The following XIRP1 variants were observed in gnomAD, a reference collection of about 807,000 sequenced individuals.
The protein encoded by XIRP1 is xin actin-binding repeat-containing protein 1.
For synonymous variants in XIRP1, 984 were observed against 947.0 expected (o/e 1.04, Z -0.72); for missense variants, 2,378 against 2,345.4 (o/e 1.01, Z -0.29).
rs770933309 is a variant in XIRP1 at position 39,188,916 on chromosome 3, G to A, written c.530C>T (p.Ala177Val). ...ELTGQAKELE[A>V]TVREPAASGD... ...GCTGGCTGCAGGCTCCCTCACAGTG[G>A]CCTCCAGTTCCTTGGCTTGCCCTGT... is the stretch of plus-strand genomic sequence containing the variant. The change falls in exon 2 of 2, where the codon GCC (alanine) becomes GTC (valine). Residue 177 changes from alanine to valine, a missense_variant. Ala to Val is a moderately conservative substitution (Grantham distance 64, BLOSUM62 0). Transcript: ENST00000340369. 2 of 1,613,280 alleles carry A rather than the reference G, an allele frequency of 1.2e-6. No individual in the cohort carries two copies. The highest frequency in any genetic ancestry group is 4.5e-5 in the East Asian group (2 of 44,872).
chr3:39,185,622 C>G lies in XIRP1; in HGVS notation c.3824G>C (p.Arg1275Pro). The G allele has an allele frequency of 2.5e-6, 4 of 1,612,390 alleles. No homozygotes were observed. Among genetic ancestry groups the G allele is most frequent in the Non-Finnish European group, 3.4e-6 (4 of 1,179,222 alleles). Residue 1275 changes from arginine to proline, a missense_variant, in exon 2 of 2, where the codon CGT becomes CCT. Transcript: ENST00000340369. Reference sequence around the variant, plus strand: ...GGCTTGCTGGATGGAGTCCTCAGCACGGTGGGCTCCAGCTGGAAAGTCAGG... The same window carrying G: ...GGCTTGCTGGATGGAGTCCTCAGCAGGGTGGGCTCCAGCTGGAAAGTCAGG... Reference protein sequence around the residue: ...TGPDFPAGAHRAEDSIQQASE... With the variant: ...TGPDFPAGAHPAEDSIQQASE...
Position 39,187,790 on chromosome 3 carries a change from C to T in XIRP1, c.1656G>A (p.Trp552Ter). ...TCTCCAGGGGCTGGGTCTCAAAAAGCCACCGAGCTGTGCCAACGTCCCCAG... is the reference window on the plus strand; with the variant it reads ...TCTCCAGGGGCTGGGTCTCAAAAAGTCACCGAGCTGTGCCAACGTCCCCAG... ...VVAGDVGTAR[W>*]LFETQPLEMI... The change falls in exon 2 of 2, where the codon TGG (tryptophan) becomes TGA (stop). Residue 552 changes from tryptophan to a stop codon, truncating the protein, a stop_gained. Transcript: ENST00000340369. LOFTEE classifies it low-confidence loss of function (END_TRUNC). 1.9e-6 allele frequency: 3 copies of T among 1,614,112 alleles called. No homozygotes were observed. The highest frequency in any genetic ancestry group is 2.5e-6 in the Non-Finnish European group (3 of 1,180,048).
Position 39,186,280 on chromosome 3 carries a change from G to T in XIRP1, c.3166C>A (p.Gln1056Lys). ...PGAPDLLAAM[Q>K]SLRMATAEAQ... ...TCAGCTGTTGCCATCCGCAGACTCT[G>T]CATGGCGGCCAGGAGGTCTGGGGCC... The change falls in exon 2 of 2, where the codon CAG (glutamine) becomes AAG (lysine). Residue 1056 changes from glutamine (Q) to lysine (K), a missense_variant. Physicochemically the swap from Gln to Lys is moderately conservative, Grantham distance 53. Coordinates refer to ENST00000340369, the MANE Select transcript of XIRP1 (RefSeq NM_194293.4). 1 of 1,613,992 alleles carries T rather than the reference G, an allele frequency of 6.2e-7. No homozygotes were observed. The highest frequency in any genetic ancestry group is 8.5e-7 in the Non-Finnish European group (1 of 1,179,988).
intron 1 of XIRP1, 96 bp from the exon 2 acceptor site, chr3:39,189,621 G>A: frequency 1.0e-6 from 1 of 987,080 alleles, no homozygotes; most frequent in African/African-American, 1.6e-5. Context: ...GCCTGGCCTG[G>A]GCTTCACTTC....
rs1378079862 is a variant in XIRP1, at chr3:39,189,110, TG to T, written c.335del (p.Pro112GlnfsTer57). ...CACACAGCACGGGCTCCTTGGCAGC[TG>T]GCCTCTCGTGTTCTCCAATGGCATC... ...RLDAIGEHER[P>X]AAKEPVLCGD... On this transcript the variant is annotated frameshift_variant, in exon 2 of 2. Coordinates refer to ENST00000340369, the MANE Select transcript of XIRP1 (RefSeq NM_194293.4). LOFTEE classifies it low-confidence loss of function (END_TRUNC). 2.5e-6 allele frequency: 4 copies of T among 1,614,174 alleles called. No homozygotes were observed. Among genetic ancestry groups the T allele is most frequent in the Non-Finnish European group, 3.4e-6 (4 of 1,180,040 alleles).
rs149700763 is a variant in XIRP1 at position 39,184,991 on chromosome 3, G to T, written c.4455C>A (p.Ala1485=). The part of the protein sequence containing the change: ...LNQVQALEKE[A]ASSVDVQALR... ...GGGCCTGCACGTCCACACTGCTTGCGGCCTCCTTCTCCAGGGCTTGCACCT... is the reference window on the plus strand; with the variant it reads ...GGGCCTGCACGTCCACACTGCTTGCTGCCTCCTTCTCCAGGGCTTGCACCT... The change falls in exon 2 of 2, where the codon GCC becomes GCA. Residue 1485 remains alanine (A), a synonymous_variant. Coordinates refer to ENST00000340369, the MANE Select transcript of XIRP1 (RefSeq NM_194293.4). 1.0e-3 allele frequency: 1,519 copies of T among 1,522,168 alleles called. 11 individuals are homozygous for T. In the African/African-American group the frequency reaches 0.018, roughly 18 times the overall value. 94.3% of individuals were successfully genotyped at this position (1,522,168 alleles called of 1,614,324 possible).
rs200103132 is a variant in XIRP1, at chr3:39,188,674, G to A, written c.772C>T (p.Arg258Trp). The stretch of plus-strand genomic sequence containing the variant: ...ACCGCGTTGCTTTGGATCTCCTCCC[G>A]GCATGCGGCCTTGACCTCATGGATG... Reference protein sequence around the residue: ...GAIHEVKAACREEIQSNAVRS... With the variant: ...GAIHEVKAACWEEIQSNAVRS... Residue 258 changes from arginine to tryptophan, a missense_variant, in exon 2 of 2, where the codon CGG becomes TGG. Transcript: ENST00000340369. The A allele has an allele frequency of 4.2e-5, 67 of 1,613,192 alleles. No homozygotes were observed. The East Asian group carries it at 1.0e-3, about 25-fold the overall frequency.
chr3:39,188,701 C>T lies in XIRP1; in HGVS notation c.745G>A (p.Ala249Thr), dbSNP rs751589146. 10 of 1,613,446 alleles carry T rather than the reference C, an allele frequency of 6.2e-6. No individual in the cohort carries two copies. The Admixed American group carries it at 8.3e-5, about 13-fold the overall frequency. Residue 249 changes from alanine to threonine, a missense_variant, in exon 2 of 2, where the codon GCC becomes ACC. Transcript: ENST00000340369. ...PLCAIQDAEGAIHEVKAACRE... is the reference protein window; with the variant it reads ...PLCAIQDAEGTIHEVKAACRE... ...CATGCGGCCTTGACCTCATGGATGG[C>T]GCCCTCTGCATCCTGGATGGCACAC...
Position 39,185,042 on chromosome 3 carries a change from C to T in XIRP1, c.4404G>A (p.Gln1468=). 2.0e-6 allele frequency: 3 copies of T among 1,521,300 alleles called. No individual in the cohort carries two copies. Among genetic ancestry groups the T allele is most frequent in the Non-Finnish European group, 2.6e-6 (3 of 1,138,056 alleles). 94.2% of individuals were successfully genotyped at this position (1,521,300 alleles called of 1,614,324 possible). A position where few individuals can be genotyped will look rare whatever the true frequency, so the allele number is the denominator to read the frequency against. ...PESPDSLQRN[Q]KELQGLLNQV... ...GGTTCAGGAGGCCCTGGAGCTCTTT[C>T]TGGTTTCTTTGCAGACTGTCAGGGC... The change falls in exon 2 of 2, where the codon CAG becomes CAA. Residue 1468 remains glutamine (Q), a synonymous_variant. Transcript: ENST00000340369.
Position 39,183,751 on chromosome 3 carries a change from G to T in XIRP1, c.*163C>A. 2.6e-6 allele frequency: 3 copies of T among 1,172,502 alleles called. No homozygotes were observed. Among genetic ancestry groups the T allele is most frequent in the Non-Finnish European group, 2.3e-6 (2 of 862,550 alleles). 72.6% of individuals were successfully genotyped at this position (1,172,502 alleles called of 1,614,324 possible). A position where few individuals can be genotyped will look rare whatever the true frequency, so the allele number is the denominator to read the frequency against. On this transcript the variant is annotated 3_prime_UTR_variant, in exon 2 of 2. Coordinates refer to ENST00000340369, the MANE Select transcript of XIRP1 (RefSeq NM_194293.4). Reference sequence around the variant, plus strand: ...TTCTTTTTCCATTTGGAAGAACTGGGCCTATTGAAAGAACTGCGAAAGGGA... The same window carrying T: ...TTCTTTTTCCATTTGGAAGAACTGGTCCTATTGAAAGAACTGCGAAAGGGA...
intron 1 of XIRP1, among the ~76,000 whole-genome samples, chr3:39,189,794 C>A (rs534652195): frequency 1.3e-5 from 2 of 152,316 alleles, no homozygotes; most frequent in Non-Finnish European, 2.9e-5. Flanking sequence ...GACGCATAAA[C>A]CTCCAGTGGG....
In XIRP1 at chr3:39,186,287, G is replaced by T. The variant is rs754881671; in HGVS notation, c.3159C>A (p.Ala1053=). 3 of 1,613,764 alleles carry T rather than the reference G, an allele frequency of 1.9e-6. No homozygotes were observed. In the Admixed American group the frequency reaches 5.0e-5, roughly 27 times the overall value. Reference sequence around the variant, plus strand: ...TTGCCATCCGCAGACTCTGCATGGCGGCCAGGAGGTCTGGGGCCCCAGGCC... The same window carrying T: ...TTGCCATCCGCAGACTCTGCATGGCTGCCAGGAGGTCTGGGGCCCCAGGCC... ...PPGPGAPDLL[A]AMQSLRMATA... The change falls in exon 2 of 2, where the codon GCC becomes GCA. Residue 1053 remains alanine (A), a synonymous_variant. Transcript: ENST00000340369.
In XIRP1 at chr3:39,186,733, C is replaced by T; in HGVS notation, c.2713G>A (p.Val905Ile). The T allele has an allele frequency of 6.2e-7, 1 of 1,614,022 alleles. No homozygotes were observed. The highest frequency in any genetic ancestry group is 1.7e-5 in the Admixed American group (1 of 60,036). The change falls in exon 2 of 2, where the codon GTC (valine) becomes ATC (isoleucine). Residue 905 changes from valine (V) to isoleucine (I), a missense_variant. By Grantham distance (29) the Val-to-Ile change is conservative. Coordinates refer to ENST00000340369, the MANE Select transcript of XIRP1 (RefSeq NM_194293.4). ...TGCAGAGAGTAGGCAGTCAGTGCGA[C>T]CAGGCCCTGCTCTGTCTCCTGCATC... ...LVMQETEQGL[V>I]ALTAYSLQPR...
chr3:39,188,547 G>T lies in XIRP1; in HGVS notation c.899C>A (p.Ala300Asp). ...GCGAGTTGCACTGACGTCGGGCCGG[G>T]CCCCCTCCTCCAGGGAAATCCCCCG... ...VIRGISLEEG[A>D]RPDVSATRWI... Residue 300 changes from alanine (A) to aspartate (D), a missense_variant, in exon 2 of 2, where the codon GCC becomes GAC. Transcript: ENST00000340369. The T allele has an allele frequency of 6.2e-7, 1 of 1,611,666 alleles. No homozygotes were observed. Among genetic ancestry groups the T allele is most frequent in the Admixed American group, 1.7e-5 (1 of 59,998 alleles).
At position 39,183,987 on chromosome 3, in the gene XIRP1, C is replaced by G. The variant is rs113903336; in HGVS notation, c.5459G>C (p.Gly1820Ala). ...LLRQFLHSPAGFSSDLTEAET... is the reference protein window; with the variant it reads ...LLRQFLHSPAAFSSDLTEAET... ...AGCTTCTGTCAGGTCACTGCTGAACCCAGCTGGGCTGTGCAGGAACTGCCT... is the reference window on the plus strand; with the variant it reads ...AGCTTCTGTCAGGTCACTGCTGAACGCAGCTGGGCTGTGCAGGAACTGCCT... Residue 1820 changes from glycine (G) to alanine (A), a missense_variant, in exon 2 of 2, where the codon GGG becomes GCG. By Grantham distance (60) the Gly-to-Ala change is moderately conservative. Transcript: ENST00000340369. 1.9e-6 allele frequency: 3 copies of G among 1,612,716 alleles called. No individual in the cohort carries two copies. Among genetic ancestry groups the G allele is most frequent in the Non-Finnish European group, 1.7e-6 (2 of 1,179,942 alleles).
In XIRP1 at chr3:39,184,646, G is replaced by A; in HGVS notation, c.4800C>T (p.Gly1600=). 6.2e-7 allele frequency: 1 copy of A among 1,613,836 alleles called. No homozygotes were observed. The highest frequency in any genetic ancestry group is 8.5e-7 in the Non-Finnish European group (1 of 1,179,848). ...CTGCAGTTTGACCTCCGACCTCCTGGCCTGAGCCACTGGGCCTGGCGCTAC... is the reference window on the plus strand; with the variant it reads ...CTGCAGTTTGACCTCCGACCTCCTGACCTGAGCCACTGGGCCTGGCGCTAC... ...VSSSARPSGS[G]QEVGGQTAVK... Residue 1600 remains glycine (G), a synonymous_variant, in exon 2 of 2, where the codon GGC becomes GGT. Coordinates refer to ENST00000340369, the MANE Select transcript of XIRP1 (RefSeq NM_194293.4).
chr3:39,187,135 C>T lies in XIRP1; in HGVS notation c.2311G>A (p.Ala771Thr). Residue 771 changes from alanine (A) to threonine (T), a missense_variant, in exon 2 of 2, where the codon GCT becomes ACT. Ala to Thr is a moderately conservative substitution (Grantham distance 58, BLOSUM62 0). Coordinates refer to ENST00000340369, the MANE Select transcript of XIRP1 (RefSeq NM_194293.4). ...TGCAGAGTCCGCAGGGTCCCCTCAG[C>T]TGCAGTCTCCTGGCTCTCTTGCATC... Reference protein sequence around the residue: ...NRMQESQETAAEGTLRTLHAT... With the variant: ...NRMQESQETATEGTLRTLHAT... The T allele has an allele frequency of 1.2e-6, 2 of 1,612,408 alleles. No homozygotes were observed. Among genetic ancestry groups the T allele is most frequent in the Non-Finnish European group, 1.7e-6 (2 of 1,178,592 alleles).
In XIRP1 at chr3:39,186,102, G is replaced by A. The variant is rs376798485; in HGVS notation, c.3344C>T (p.Ala1115Val). 2.5e-5 allele frequency: 41 copies of A among 1,613,654 alleles called. No homozygotes were observed. The highest frequency in any genetic ancestry group is 3.3e-5 in the Non-Finnish European group (39 of 1,179,776). The change falls in exon 2 of 2, where the codon GCA becomes GTA. Residue 1115 changes from alanine (A) to valine (V), a missense_variant. Physicochemically the swap from Ala to Val is moderately conservative, Grantham distance 64. Coordinates refer to ENST00000340369, the MANE Select transcript of XIRP1 (RefSeq NM_194293.4). Reference protein sequence around the residue: ...PGGGSDPRIPAAPRKVSREEQ... With the variant: ...PGGGSDPRIPVAPRKVSREEQ... ...TTCCCTACTGACCTTTCTGGGGGCT[G>A]CTGGGATCCGGGGATCACTTCCACC...
Position 39,188,620 on chromosome 3 carries a change from G to A in XIRP1, c.826C>T (p.Arg276Trp), listed in dbSNP as rs141394135. 105 of 1,613,494 alleles carry A rather than the reference G, an allele frequency of 6.5e-5. 1 individual carries two copies. In the South Asian group the frequency reaches 8.3e-4, roughly 13 times the overall value. The change falls in exon 2 of 2, where the codon CGG becomes TGG. Residue 276 changes from arginine to tryptophan, a missense_variant. Coordinates refer to ENST00000340369, the MANE Select transcript of XIRP1 (RefSeq NM_194293.4). ...TCCTGGTTGATGGCGTCCAGAGGCC[G>A]GGTCTCAAAGAGCCAGCGGGCAGAC... is the stretch of plus-strand genomic sequence containing the variant. ...VRSARWLFET[R>W]PLDAINQDPS...
Sources: gnomAD v4.1 joint callset for allele counts (sites outside exome capture counted in the v4.1 genomes callset) on GRCh38, gnomAD v4.1.1 for gene constraint, MANE v1.5 for transcripts, NCBI Gene and HGNC (gene_info 2026-07-23, HGNC 2026-07-21) for gene names.